SDK1: variants seen among roughly 807,000 people sequenced by gnomAD.
The protein encoded by SDK1 is protein sidekick-1.
A neutral mutation model predicts 245.5 loss-of-function variants in SDK1; 157 were observed. The observed-to-expected ratio is 0.64, with a 90% CI of 0.56 to 0.73. The LOEUF is 0.73. SDK1 is among the 30% of genes least tolerant of loss of function. The probability of loss-of-function intolerance (pLI) is 0.00; values close to 1 mark genes in which losing one functional copy is unlikely to be tolerated. For missense variants in SDK1, 3,583 were observed against 3,002.3 expected (o/e 1.19, Z -4.52); for synonymous variants, 1,647 against 1,278.5 (o/e 1.29, Z -6.15).
chr7:3,723,658 T>TTGTGAG lies in SDK1; in HGVS notation c.713+81557_713+81558insAGTGTG, dbSNP rs1554254469. 6.5e-4 allele frequency among the ~76,000 whole-genome samples: 87 copies of TTGTGAG among 134,190 alleles called. 3 individuals carry two copies. Among genetic ancestry groups the TTGTGAG allele is most frequent in the African/African-American group, 2.5e-3 (84 of 32,958 alleles). The allele number at this position is 134,190 out of a possible 152,430, so 88.0% of individuals were successfully genotyped here. On this transcript the variant is annotated intron_variant, in intron 4 of 44. Coordinates refer to ENST00000404826, the MANE Select transcript of SDK1 (RefSeq NM_152744.4). ...ATTTCATTCAGTTAGTAAGTAAAAG[T>TTGTGAG]TGTGTGTGTGTGTGTGTGTGTATAC...
intron 1 of SDK1, among the ~76,000 whole-genome samples, chr7:3,330,210 C>T (rs1204176362): frequency 6.6e-6 from 1 of 152,166 alleles, no homozygotes; most frequent in Non-Finnish European, 1.5e-5. Context: ...TATGTACCTA[C>T]AGGTGGAATT....
At chr7:3,782,564 A>G (rs1046794307) in intron 4 of SDK1, among the ~76,000 whole-genome samples, 19 of 152,244 alleles carry the variant, frequency 1.2e-4, no homozygotes, top group Admixed American at 3.9e-4. Context: ...GAGAGCAGCA[A>G]GAGATAAGAA....
chr7:3,697,451 C>T (rs1265665475), intron 4 of SDK1, among the ~76,000 whole-genome samples: 1 of 152,230 alleles, frequency 6.6e-6, no homozygotes, highest in Non-Finnish European at 1.5e-5. Flanking sequence ...CTGTCTTCAG[C>T]TCTGCTTCAT....
At chr7:3,586,321 C>A (rs1236681120) in intron 1 of SDK1, among the ~76,000 whole-genome samples, 1 of 151,856 alleles carries the variant, frequency 6.6e-6, no homozygotes, top group Non-Finnish European at 1.5e-5. Flanking sequence ...GGAAGTGCAC[C>A]CAGTGGAGGT....
chr7:3,829,793 C>G (rs1562475525), intron 5 of SDK1, among the ~76,000 whole-genome samples: 1 of 152,198 alleles, frequency 6.6e-6, no homozygotes, highest in Admixed American at 6.5e-5. Context: ...GATATCAAAA[C>G]CACTCCCGAT....
intron 44 of SDK1, among the ~76,000 whole-genome samples, chr7:4,253,930 G>C (rs1038055307): frequency 2.0e-5 from 3 of 151,966 alleles, no homozygotes; most frequent in African/African-American, 7.2e-5. Flanking sequence ...TTTGTTAAAT[G>C]AATTTTCCAA....
chr7:3,426,022 C>A (rs142663722), intron 1 of SDK1, among the ~76,000 whole-genome samples: 54 of 152,322 alleles, frequency 3.5e-4, no homozygotes, highest in East Asian at 1.3e-3. Flanking sequence ...TTATAAAATA[C>A]ATAAAATTAC....
At chr7:4,261,643 T>C (rs1171060051) in intron 44 of SDK1, among the ~76,000 whole-genome samples, 1 of 152,160 alleles carries the variant, frequency 6.6e-6, no homozygotes, top group African/African-American at 2.4e-5. Context: ...AGAGTCAGGA[T>C]AGCTGGAGCC....
intron 1 of SDK1, among the ~76,000 whole-genome samples, chr7:3,561,771 C>T (rs1040824338): frequency 1.3e-5 from 2 of 152,202 alleles, no homozygotes; most frequent in Non-Finnish European, 2.9e-5. Flanking sequence ...CCAGAATACA[C>T]TGTTTCTAAC....
intron 25 of SDK1, among the ~76,000 whole-genome samples, chr7:4,118,503 G>A (rs923704518): frequency 3.9e-5 from 6 of 152,220 alleles, no homozygotes; most frequent in African/African-American, 1.2e-4. Flanking sequence ...ATTCAGAAAC[G>A]TTGGAAAACA....
chr7:3,737,610 C>T (rs1779352692), intron 4 of SDK1, among the ~76,000 whole-genome samples: 1 of 152,216 alleles, frequency 6.6e-6, no homozygotes, highest in Non-Finnish European at 1.5e-5. Flanking sequence ...GCCTTCTGGT[C>T]AGGCAACTCC....
Position 4,114,033 on chromosome 7 carries a change from C to A in SDK1, c.3586-4C>A. The A allele has an allele frequency of 5.0e-6, 8 of 1,613,492 alleles. No homozygotes were observed. Among genetic ancestry groups the A allele is most frequent in the South Asian group, 1.1e-5 (1 of 91,060 alleles). Reference sequence around the variant, plus strand: ...GCTCATCGCGACTCCTCGTTCCTTCCTAGCCCCTGCCGGATTCTCAGTACA... The same window carrying A: ...GCTCATCGCGACTCCTCGTTCCTTCATAGCCCCTGCCGGATTCTCAGTACA... On this transcript the variant is annotated splice_polypyrimidine_tract_variant and splice_region_variant and intron_variant, in intron 24 of 44. Coordinates refer to ENST00000404826, the MANE Select transcript of SDK1 (RefSeq NM_152744.4).
chr7:3,814,299 A>T (rs1294829937), intron 4 of SDK1, among the ~76,000 whole-genome samples: 1 of 149,298 alleles, frequency 6.7e-6, no homozygotes, highest in East Asian at 2.0e-4. Flanking sequence ...ATAAGGTGTA[A>T]GGAAGGGATC....
At chr7:4,172,478 G>A (rs1781908421) in intron 32 of SDK1, among the ~76,000 whole-genome samples, 1 of 152,188 alleles carries the variant, frequency 6.6e-6, no homozygotes, top group Admixed American at 6.5e-5. Context: ...TTTGCCTCGT[G>A]AGTAGCAAGA....
At chr7:3,886,610 A>T (rs1159794541) in intron 5 of SDK1, among the ~76,000 whole-genome samples, 1 of 152,136 alleles carries the variant, frequency 6.6e-6, no homozygotes, top group Non-Finnish European at 1.5e-5. Flanking sequence ...TTTCCACTTG[A>T]CCCTGCCTCA....
intron 1 of SDK1, among the ~76,000 whole-genome samples, chr7:3,615,991 C>G (rs1395001904): frequency 3.3e-5 from 5 of 151,868 alleles, no homozygotes; most frequent in Non-Finnish European, 7.4e-5. Flanking sequence ...GTCAAGTAAT[C>G]CCTCCACCTC....
rs80145299 is a variant in SDK1, at chr7:3,999,297, C to T, written c.2132-11669C>T. ...AGTCTGCAAATTGCGCATCCACTCC[C>T]TCCTGAGAGCATTAGACACCAGGAG... On this transcript the variant is annotated intron_variant, in intron 14 of 44. Transcript: ENST00000404826. Among the ~76,000 whole-genome samples the T allele has an allele frequency of 2.3e-3, 348 of 152,342 alleles. 2 individuals are homozygous for T. The highest frequency in any genetic ancestry group is 7.9e-3 in the African/African-American group (330 of 41,588).
At chr7:3,432,747 C>A (rs1779894415) in intron 1 of SDK1, among the ~76,000 whole-genome samples, 3 of 152,164 alleles carry the variant, frequency 2.0e-5, no homozygotes, top group Admixed American at 2.0e-4. Context: ...TGGATACCCA[C>A]ATTTAAGTTG....
intron 43 of SDK1, 123 bp from the exon 44 acceptor site, chr7:4,245,553 A>G: frequency 8.8e-7 from 1 of 1,138,444 alleles, no homozygotes; most frequent in African/African-American, 1.6e-5. Context: ...TGCCAAAGTG[A>G]TGTCAAAGGC....
Sources: gnomAD v4.1 joint callset for allele counts (sites outside exome capture counted in the v4.1 genomes callset) on GRCh38, gnomAD v4.1.1 for gene constraint, MANE v1.5 for transcripts, NCBI Gene and HGNC (gene_info 2026-07-23, HGNC 2026-07-21) for gene names.